AHRR: variants seen among roughly 807,000 people sequenced by gnomAD.
AHRR encodes the protein ahR repressor.
Under a neutral mutation model 44.0 loss-of-function variants are expected in AHRR, and 28 were observed. The ratio of observed to expected loss-of-function variants is 0.64; its 90% CI spans 0.47 to 0.87. AHRR has a LOEUF of 0.87. Among genes scored for constraint, AHRR ranks in the 40% least tolerant of loss-of-function variants. The probability of loss-of-function intolerance (pLI) is 0.00; values close to 1 mark genes in which losing one functional copy is unlikely to be tolerated. For missense variants in AHRR, 990 were observed against 953.9 expected (o/e 1.04, Z -0.50); for synonymous variants, 434 against 407.0 (o/e 1.07, Z -0.80).
intron 4 of AHRR, among the ~76,000 whole-genome samples, chr5:377,369 C>T (rs1238188083): frequency 6.6e-6 from 1 of 152,188 alleles, no homozygotes; most frequent in Admixed American, 6.5e-5. Context: ...GTTGCTGCCT[C>T]CACCAGTGGC....
chr5:430,210 C>T (rs552508511), intron 8 of AHRR, among the ~76,000 whole-genome samples: 2 of 152,348 alleles, frequency 1.3e-5, no homozygotes, highest in African/African-American at 4.8e-5. Flanking sequence ...TTTTTAGATG[C>T]GGTCTTGACT....
chr5:392,558 G>C (rs931267634), intron 4 of AHRR, among the ~76,000 whole-genome samples: 3 of 152,206 alleles, frequency 2.0e-5, no homozygotes, highest in Non-Finnish European at 4.4e-5. Flanking sequence ...TCTGAAGCTG[G>C]GGAAACCCAA....
chr5:364,050 A>C (rs1164201981), intron 3 of AHRR, among the ~76,000 whole-genome samples: 2 of 152,242 alleles, frequency 1.3e-5, no homozygotes, highest in Non-Finnish European at 2.9e-5. Context: ...TTGGCTACTT[A>C]ATGCAGTCTC....
intron 4 of AHRR, chr5:403,591 G>A (rs867990516): frequency 1.4e-4 from 54 of 396,934 alleles, no homozygotes; most frequent in Middle Eastern, 7.5e-4. Context: ...AGCCGAGATC[G>A]CACCACACTG....
intron 4 of AHRR, among the ~76,000 whole-genome samples, chr5:402,490 GACCC>G (rs1266733688): frequency 7.0e-6 from 1 of 143,162 alleles, no homozygotes; most frequent in Non-Finnish European, 1.5e-5. Context: ...GAGAGAAGGG[GACCC>G]TCGTGCACTG....
At chr5:333,791 T>A (rs969986180) in intron 1 of AHRR, among the ~76,000 whole-genome samples, 1 of 152,200 alleles carries the variant, frequency 6.6e-6, no homozygotes, top group Non-Finnish European at 1.5e-5. Flanking sequence ...GATTCCTTTC[T>A]CTTCGTCTGT....
intron 3 of AHRR, among the ~76,000 whole-genome samples, chr5:371,114 G>A (rs1283225805): frequency 2.0e-5 from 3 of 152,210 alleles, no homozygotes; most frequent in Non-Finnish European, 4.4e-5. Context: ...CGGAGAATGG[G>A]AGATGAGCTG....
At chr5:324,645 CGG>C (rs1560874805) in intron 1 of AHRR, among the ~76,000 whole-genome samples, 1 of 151,750 alleles carries the variant, frequency 6.6e-6, no homozygotes. Context: ...AAAAATTAGC[CGG>C]GTGTGGTGGC....
chr5:430,674 G>C (rs1736683851), intron 8 of AHRR, among the ~76,000 whole-genome samples: 1 of 152,232 alleles, frequency 6.6e-6, no homozygotes. Flanking sequence ...TTATTTGAAG[G>C]TTTTCATGCT....
At chr5:351,374 G>A (rs1172092332) in intron 2 of AHRR, among the ~76,000 whole-genome samples, 4 of 152,192 alleles carry the variant, frequency 2.6e-5, no homozygotes, top group Non-Finnish European at 5.9e-5. Flanking sequence ...GCAGATAGAC[G>A]GATAAAGCAA....
rs1247574114 is a variant in AHRR at position 344,703 on chromosome 5, G to A, written c.62+739G>A. On this transcript the variant is annotated intron_variant, in intron 2 of 10. Coordinates refer to ENST00000684583, the MANE Select transcript of AHRR (RefSeq NM_001377236.1). ...GTGTGTGTGTGTGAGGCTGTGGGGG[G>A]CTGTGTGTGGGGTGTGTGTGTGAGG... 1.2e-3 allele frequency among the ~76,000 whole-genome samples: 19 copies of A among 15,266 alleles called. 6 individuals carry two copies. The highest frequency in any genetic ancestry group is 6.3e-3 in the African/African-American group (12 of 1,894). The allele number at this position is 15,266 out of a possible 152,430, so 10.0% of individuals were successfully genotyped here. A position where few individuals can be genotyped will look rare whatever the true frequency, so the allele number is the denominator to read the frequency against.
At chr5:359,332 G>T (rs1709738) in intron 3 of AHRR, among the ~76,000 whole-genome samples, 372 of 22,176 alleles carry the variant, frequency 0.017, 2 homozygotes, top group Middle Eastern at 0.067. Flanking sequence ...CGCCCGCGAG[G>T]GGAGGCCCTC....
At chr5:422,352 C>T (rs1471625929) in intron 5 of AHRR, 3 of 309,206 alleles carry the variant, frequency 9.7e-6, no homozygotes, top group Non-Finnish European at 1.9e-5. Flanking sequence ...AGAAGGAAAT[C>T]ACAGGCCATA....
chr5:337,794 T>A lies in AHRR; in HGVS notation c.-10-6099T>A, dbSNP rs544314475. Among the ~76,000 whole-genome samples, 8 of 152,014 alleles carry A rather than the reference T, an allele frequency of 5.3e-5. No homozygotes were observed. In the South Asian group the frequency reaches 1.7e-3, roughly 32 times the overall value. On this transcript the variant is annotated intron_variant, in intron 1 of 10. Coordinates refer to ENST00000684583, the MANE Select transcript of AHRR (RefSeq NM_001377236.1). The surrounding 1 kb of genome is among the most constrained non-coding windows in gnomAD (Gnocchi z 4.1). The stretch of plus-strand genomic sequence containing the variant: ...CGGGCCTCATTGGAGGAGGTGTAGG[T>A]TCCGTCCCCTGGAGGGCAGAGAAGT...
At position 370,613 on chromosome 5, in the gene AHRR, CAG is replaced by C. The variant is rs1387509383; in HGVS notation, c.245-5996_245-5995del. On this transcript the variant is annotated intron_variant, in intron 3 of 10. Coordinates refer to ENST00000684583, the MANE Select transcript of AHRR (RefSeq NM_001377236.1). The surrounding 1 kb of genome is among the most constrained non-coding windows in gnomAD (Gnocchi z 4.5). ...ACAGCCCCCAGGAAGATGCAGGTGA[CAG>C]GGGTGGGGTGGACAGCCCATGGGAA... Among the ~76,000 whole-genome samples, 5 of 151,966 alleles carry C rather than the reference CAG, an allele frequency of 3.3e-5. No homozygotes were observed. Among genetic ancestry groups the C allele is most frequent in the African/African-American group, 1.2e-4 (5 of 41,358 alleles).
chr5:409,945 T>G (rs774580660), intron 4 of AHRR, among the ~76,000 whole-genome samples: 3 of 152,144 alleles, frequency 2.0e-5, no homozygotes, highest in Non-Finnish European at 4.4e-5. Flanking sequence ...TTAATTTGTG[T>G]GTGGCGTGAA....
chr5:403,780 A>T, intron 4 of AHRR: 1 of 1,530,524 alleles, frequency 6.5e-7, no homozygotes, highest in Admixed American at 1.7e-5. Context: ...GTCTTTGTTC[A>T]AAGGGTCTCT....
intron 2 of AHRR, among the ~76,000 whole-genome samples, chr5:346,786 C>G (rs999161665): frequency 5.3e-5 from 8 of 152,234 alleles, no homozygotes; most frequent in African/African-American, 1.9e-4. Flanking sequence ...CCACATCCCC[C>G]CGCGGGACCT....
In AHRR at chr5:342,454, TTGTC is replaced by T. The variant is rs1280920854; in HGVS notation, c.-10-1436_-10-1433del. On this transcript the variant is annotated intron_variant, in intron 1 of 10. Coordinates refer to ENST00000684583, the MANE Select transcript of AHRR (RefSeq NM_001377236.1). The surrounding 1 kb of genome is among the most constrained non-coding windows in gnomAD (Gnocchi z 4.3). ...GATATTCCTTGTTCTGAAGTCTTCT[TTGTC>T]TGGGACTCATACAGCTGCTTCATTT... Among the ~76,000 whole-genome samples the T allele has an allele frequency of 1.1e-4, 17 of 152,354 alleles. No homozygotes were observed. Among genetic ancestry groups the T allele is most frequent in the African/African-American group, 3.8e-4 (16 of 41,580 alleles).
Sources: gnomAD v4.1 joint callset for allele counts (sites outside exome capture counted in the v4.1 genomes callset) on GRCh38, gnomAD v4.1.1 for gene constraint, Gnocchi (gnomAD v3.1) non-coding constraint, MANE v1.5 for transcripts, NCBI Gene and HGNC (gene_info 2026-07-23, HGNC 2026-07-21) for gene names.